LYRM4: variants seen among roughly 807,000 people sequenced by gnomAD.
LYRM4 encodes LYR motif-containing protein 4.
In LYRM4, 9 loss-of-function variants were observed where a neutral mutation model predicts 11.7. That is an observed-to-expected ratio of 0.77 (90% CI 0.46 to 1.34). LYRM4 has a LOEUF of 1.34. LYRM4 is among the 40% of genes most tolerant of loss of function. The pLI is 0.00. For missense variants in LYRM4, 133 were observed against 112.5 expected, an observed-to-expected ratio of 1.18 and a Z score of -0.82; for synonymous variants, 42 against 40.4, an observed-to-expected ratio of 1.04 and a Z score of -0.15.
the LYRM4 span, among the ~76,000 whole-genome samples, chr6:5,079,923 T>C: frequency 2.2e-4 from 33 of 152,362 alleles, no homozygotes; most frequent in South Asian, 6.2e-3. Flanking sequence ...CACAACTATT[T>C]TGGAGTACAA....
intron 2 of LYRM4, among the ~76,000 whole-genome samples, chr6:5,176,124 G>C (rs1759707633): frequency 6.6e-6 from 1 of 150,936 alleles, no homozygotes; most frequent in African/African-American, 2.4e-5. Context: ...GAGTGCAGTG[G>C]CGTGATCTCA....
At chr6:5,174,601 G>A (rs1045331265) in intron 2 of LYRM4, among the ~76,000 whole-genome samples, 1 of 152,156 alleles carries the variant, frequency 6.6e-6, no homozygotes, top group Non-Finnish European at 1.5e-5. Context: ...AAGGAGGGCA[G>A]GCAGAAAAAT....
intron 2 of LYRM4, among the ~76,000 whole-genome samples, chr6:5,200,240 C>A (rs1761309226): frequency 6.6e-6 from 1 of 152,082 alleles, no homozygotes; most frequent in Admixed American, 6.6e-5. Context: ...GGTAGCAAAC[C>A]CTTAGCTGCA....
At chr6:5,238,050 C>G (rs1763653905) in intron 1 of LYRM4, among the ~76,000 whole-genome samples, 1 of 152,168 alleles carries the variant, frequency 6.6e-6, no homozygotes. Flanking sequence ...TGGCTGCTTA[C>G]TGTCCTGCCT....
At chr6:5,032,873 C>G in the LYRM4 span, 1 of 152,550 alleles carries the variant, frequency 6.6e-6, no homozygotes, top group Non-Finnish European at 1.5e-5. Flanking sequence ...GGAATTCCTC[C>G]TCCCCGCCTC....
intron 2 of LYRM4, among the ~76,000 whole-genome samples, chr6:5,118,709 CA>C (rs201250276): frequency 6.6e-6 from 1 of 150,416 alleles, no homozygotes; most frequent in Non-Finnish European, 1.5e-5. Context: ...TTTCCCAATT[CA>C]AAAAAAAAGC....
chr6:5,086,208 C>G, the LYRM4 span: 2 of 1,534,982 alleles, frequency 1.3e-6, no homozygotes, highest in East Asian at 4.9e-5. Context: ...GGGTGCTCAG[C>G]TGCCCTGGGC....
chr6:5,222,291 T>C (rs759024084), intron 1 of LYRM4, among the ~76,000 whole-genome samples: 5 of 151,924 alleles, frequency 3.3e-5, no homozygotes, highest in Non-Finnish European at 5.9e-5. Flanking sequence ...TAACCAATAA[T>C]GAAAACAAAA....
chr6:5,085,611 T>A, the LYRM4 span: 1 of 1,547,126 alleles, frequency 6.5e-7, no homozygotes, highest in African/African-American at 1.4e-5. Flanking sequence ...GCGACGGCGG[T>A]GGCGCTTCGG....
intron 2 of LYRM4, among the ~76,000 whole-genome samples, chr6:5,194,208 T>TA (rs1760923862): frequency 1.3e-5 from 2 of 152,192 alleles, no homozygotes; most frequent in Non-Finnish European, 2.9e-5. Flanking sequence ...AAAAGATACG[T>TA]TACCTCTTCT....
chr6:5,118,096 T>TTTTTTG (rs748663388), intron 2 of LYRM4, among the ~76,000 whole-genome samples: 1 of 78,708 alleles, frequency 1.3e-5, no homozygotes, highest in East Asian at 3.5e-4. Flanking sequence ...ATATATATAT[T>TTTTTTG]TTTGTTTTGT....
chr6:5,097,211 G>C, the LYRM4 span, among the ~76,000 whole-genome samples: 6 of 152,122 alleles, frequency 3.9e-5, no homozygotes, highest in East Asian at 3.9e-4. Context: ...GGCCGAGCAG[G>C]CTTGCTCAGG....
chr6:5,046,674 A>G, the LYRM4 span, among the ~76,000 whole-genome samples: 1 of 152,190 alleles, frequency 6.6e-6, no homozygotes, highest in Non-Finnish European at 1.5e-5. Flanking sequence ...TTGAACTTAG[A>G]TGGCAGCTGG....
At chr6:5,151,562 C>A (rs1758090627) in intron 2 of LYRM4, among the ~76,000 whole-genome samples, 1 of 152,198 alleles carries the variant, frequency 6.6e-6, no homozygotes, top group African/African-American at 2.4e-5. Flanking sequence ...AAATGCTTAT[C>A]CTGCCCTCGG....
chr6:5,102,434 G>A (rs78699263), downstream of LYRM4, among the ~76,000 whole-genome samples: 535 of 152,144 alleles, frequency 3.5e-3, 1 homozygote, highest in African/African-American at 0.012. Flanking sequence ...GTTATTAAAC[G>A]GTCTCTGTAT....
At chr6:5,045,728 A>G in the LYRM4 span, among the ~76,000 whole-genome samples, 1 of 152,338 alleles carries the variant, frequency 6.6e-6, no homozygotes, top group Non-Finnish European at 1.5e-5. Context: ...GCCTCTAGGT[A>G]GAAGCTCACG....
chr6:5,138,728 T>C (rs1421582882), intron 2 of LYRM4: 3 of 1,532,974 alleles, frequency 2.0e-6, no homozygotes, highest in African/African-American at 1.4e-5. Context: ...ACAATGACTA[T>C]GGACTTTATG....
intron 1 of LYRM4, among the ~76,000 whole-genome samples, chr6:5,250,318 AAT>A (rs1318242214): frequency 1.3e-5 from 2 of 152,210 alleles, no homozygotes; most frequent in Non-Finnish European, 2.9e-5. Context: ...ATAAATCAGC[AAT>A]GACACGCAGA....
At chr6:5,191,967 A>G (rs1052134080) in intron 2 of LYRM4, among the ~76,000 whole-genome samples, 3 of 152,210 alleles carry the variant, frequency 2.0e-5, no homozygotes, top group African/African-American at 7.2e-5. Context: ...AAGACTGGAG[A>G]ACATTCTGGA....
Sources: allele counts gnomAD v4.1 joint callset (sites outside exome capture counted in the v4.1 genomes callset), GRCh38; gene constraint gnomAD v4.1.1; transcripts MANE v1.5; gene names NCBI Gene and HGNC (gene_info 2026-07-23, HGNC 2026-07-21).